The following NEMF variants were observed in gnomAD, a reference collection of about 807,000 sequenced individuals.
The protein encoded by NEMF is ribosome quality control complex subunit NEMF.
NEMF carries 89 observed loss-of-function variants against 162.2 expected under a neutral mutation model. The ratio of observed to expected loss-of-function variants is 0.55; its 90% CI spans 0.46 to 0.65. The LOEUF (loss-of-function observed/expected upper bound fraction) is 0.65, where lower values mean the gene tolerates loss of function less well. Among genes scored for constraint, NEMF ranks in the 30% least tolerant of loss-of-function variants. The probability of loss-of-function intolerance (pLI) is 0.00; values close to 1 mark genes in which losing one functional copy is unlikely to be tolerated. For missense variants in NEMF, 1,133 were observed against 1,261.9 expected (o/e 0.90, Z 1.55); for synonymous variants, 421 against 404.5 (o/e 1.04, Z -0.49).
At chr14:49,805,628 A>G (rs1891152255) in intron 19 of NEMF, among the ~76,000 whole-genome samples, 1 of 152,154 alleles carries the variant, frequency 6.6e-6, no homozygotes, top group Non-Finnish European at 1.5e-5. Context: ...AGTGCCCAAG[A>G]GAATTCAGAA....
At chr14:49,826,111 A>G (rs1892329842) in intron 15 of NEMF, among the ~76,000 whole-genome samples, 156 bp from the exon 16 acceptor site, 1 of 152,164 alleles carries the variant, frequency 6.6e-6, no homozygotes, top group African/African-American at 2.4e-5. Flanking sequence ...CGCATACTTG[A>G]AAGTAATGAA....
At chr14:49,821,672 C>A (rs1892061019) in intron 16 of NEMF, among the ~76,000 whole-genome samples, 1 of 134,856 alleles carries the variant, frequency 7.4e-6, no homozygotes. Context: ...GCCGCCCCGT[C>A]CGGGAGGGAG....
At chr14:49,792,967 T>G (rs764068984) in intron 26 of NEMF, among the ~76,000 whole-genome samples, 2 of 152,002 alleles carry the variant, frequency 1.3e-5, no homozygotes, top group Non-Finnish European at 2.9e-5. Context: ...GGCAACAGAG[T>G]GACACCCTGT....
chr14:49,800,602 A>C lies in NEMF; in HGVS notation c.2190T>G (p.Thr730=). ...TTAGTTCATCTCTGCCACTCTGAAG[A>C]GTGATATCCTCTTGGTCAACCTGAG... ...LMTQVDQEDI[T]LQSGRDELNE... is the part of the protein sequence containing the mutation. The change falls in exon 23 of 33, where the codon ACT becomes ACG. Residue 730 remains threonine, a synonymous_variant. Transcript: ENST00000298310. 6.2e-7 allele frequency: 1 copy of C among 1,613,940 alleles called. No individual in the cohort carries two copies. The highest frequency in any genetic ancestry group is 1.1e-5 in the South Asian group (1 of 91,066).
rs114399386 is a variant in NEMF, at chr14:49,833,762, A to G, written c.662-266T>C. On this transcript the variant is annotated intron_variant, in intron 7 of 32. Transcript: ENST00000298310. ...AACTTTGTTCATAAACTAAATTCCC[A>G]TATTATTTCAAATTATTTTTGGAAT... Among the ~76,000 whole-genome samples the G allele has an allele frequency of 6.8e-3, 1,028 of 152,292 alleles. 13 individuals are homozygous for G. The highest frequency in any genetic ancestry group is 0.024 in the African/African-American group (985 of 41,562).
In NEMF at chr14:49,838,525, A is replaced by T. The variant is rs111250088; in HGVS notation, c.507-319T>A. On this transcript the variant is annotated intron_variant, in intron 5 of 32. Coordinates refer to ENST00000298310, the MANE Select transcript of NEMF (RefSeq NM_004713.6). ...TTAAATGTTTGTAAATTTTCATGCCATATCTTAATATCCAAAATGGTTTAC... is the reference window on the plus strand; with the variant it reads ...TTAAATGTTTGTAAATTTTCATGCCTTATCTTAATATCCAAAATGGTTTAC... Among the ~76,000 whole-genome samples the T allele has an allele frequency of 9.2e-3, 1,395 of 151,900 alleles. 32 individuals are homozygous for T. The highest frequency in any genetic ancestry group is 0.032 in the African/African-American group (1,307 of 41,424).
Position 49,782,411 on chromosome 14 carries a change from T to C in NEMF, c.*2225A>G, listed in dbSNP as rs1037785996. The C allele has an allele frequency of 2.5e-6, 4 of 1,612,490 alleles. No homozygotes were observed. The African/African-American group carries it at 4.0e-5, about 16-fold the overall frequency. Reference sequence around the variant, plus strand: ...TGTGCCAGCGATGAAGGAGAAGTAATTGTTTTTGGTGGATGTGCCAACAAC... The same window carrying C: ...TGTGCCAGCGATGAAGGAGAAGTAACTGTTTTTGGTGGATGTGCCAACAAC... On this transcript the variant is annotated 3_prime_UTR_variant, in exon 33 of 33. Coordinates refer to ENST00000298310, the MANE Select transcript of NEMF (RefSeq NM_004713.6).
chr14:49,785,697 A>G (rs1481315300), intron 29 of NEMF: 1 of 196,834 alleles, frequency 5.1e-6, no homozygotes, highest in African/African-American at 2.4e-5. Flanking sequence ...AGACCAGCCT[A>G]AGCAACATGG....
chr14:49,782,666 CTAGGTTTATGGATTATT>C lies in NEMF; in HGVS notation c.*1953_*1969del. The C allele has an allele frequency of 7.2e-7, 1 of 1,395,050 alleles. No homozygotes were observed. The highest frequency in any genetic ancestry group is 9.8e-7 in the Non-Finnish European group (1 of 1,017,264). 86.4% of individuals were successfully genotyped at this position (1,395,050 alleles called of 1,614,324 possible). The stretch of plus-strand genomic sequence containing the variant: ...CCTAAGACTTAGCACTCTCGAAAAA[CTAGGTTTATGGATTATT>C]TAAGGGCAATAAAACTTCATTGCTA... On this transcript the variant is annotated 3_prime_UTR_variant, in exon 33 of 33. Transcript: ENST00000298310.
intron 7 of NEMF, 67 bp from the exon 8 acceptor site, chr14:49,833,563 A>G: frequency 1.0e-6 from 1 of 990,586 alleles, no homozygotes; most frequent in Non-Finnish European, 1.5e-6. Context: ...TGGCTAAACA[A>G]CTATGTAGAA....
chr14:49,785,254 T>C lies in NEMF; in HGVS notation c.2995A>G (p.Ile999Val), dbSNP rs1485372239. Residue 999 changes from isoleucine to valine, a missense_variant, in exon 30 of 33, where the codon ATA becomes GTA. Physicochemically the swap from Ile to Val is conservative, Grantham distance 29 (BLOSUM62 3). Transcript: ENST00000298310. ...PEDVLLFAIP[I>V]CAPYTTMTNY... ...GTCATGGTGGTGTAAGGGGCACATA[T>C]TGGAATGGCAAACAGTAGTACATCT... 4 of 1,614,000 alleles carry C rather than the reference T, an allele frequency of 2.5e-6. No individual in the cohort carries two copies. Among genetic ancestry groups the C allele is most frequent in the South Asian group, 1.1e-5 (1 of 91,080 alleles).
At chr14:49,810,906 G>A (rs147172285) in intron 18 of NEMF, among the ~76,000 whole-genome samples, 15 of 152,196 alleles carry the variant, frequency 9.9e-5, no homozygotes, top group Non-Finnish European at 1.5e-4. Context: ...TGGGAGGATC[G>A]CTTCAGCCTG....
chr14:49,789,246 C>T lies in NEMF; in HGVS notation c.2795G>A (p.Gly932Glu). ...CTTAATGTTGTCAGAGACCCTCTGT[C>T]CACCTCTAGGTTTCTGGGGCTGTTT... is the stretch of plus-strand genomic sequence containing the variant. ...VKKQPQKPRG[G>E]QRVSDNIKKE... Residue 932 changes from glycine to glutamate, a missense_variant, in exon 28 of 33, where the codon GGA (glycine) becomes GAA (glutamate). Gly to Glu is a moderately conservative substitution (Grantham distance 98). Around this residue, in one of 3 missense-constraint regions of NEMF, gnomAD observed 532 missense variants for 578.6 expected, o/e 0.92. Transcript: ENST00000298310. 6.2e-7 allele frequency: 1 copy of T among 1,614,102 alleles called. No homozygotes were observed. The highest frequency in any genetic ancestry group is 8.5e-7 in the Non-Finnish European group (1 of 1,179,958).
intron 16 of NEMF, among the ~76,000 whole-genome samples, chr14:49,820,778 T>A (rs1032753192): frequency 1.3e-4 from 20 of 152,074 alleles, no homozygotes; most frequent in Non-Finnish European, 2.9e-5. Context: ...CCGCCACGCC[T>A]GACTGGTTTT....
At chr14:49,812,298 C>T (rs1891515827) in intron 18 of NEMF, among the ~76,000 whole-genome samples, 1 of 151,914 alleles carries the variant, frequency 6.6e-6, no homozygotes, top group African/African-American at 2.4e-5. Flanking sequence ...GATTTGAGTC[C>T]TCTATTTTCT....
At chr14:49,823,454 T>C (rs549641582) in intron 16 of NEMF, among the ~76,000 whole-genome samples, 6 of 151,566 alleles carry the variant, frequency 4.0e-5, no homozygotes, top group Non-Finnish European at 8.8e-5. Context: ...AACATTATGT[T>C]GAAAAGAGAG....
intron 3 of NEMF, among the ~76,000 whole-genome samples, chr14:49,847,889 G>A (rs1893586830): frequency 6.6e-6 from 1 of 151,710 alleles, no homozygotes; most frequent in African/African-American, 2.4e-5. Context: ...AAAATTAGCT[G>A]GGCGTGCTGG....
At chr14:49,784,763 T>C (rs1013966430) in intron 32 of NEMF, 50 bp from the exon 33 acceptor site, 1 of 1,524,090 alleles carries the variant, frequency 6.6e-7, no homozygotes, top group Admixed American at 1.8e-5. Context: ...TGGTCAATCA[T>C]GTTTCTTTTA....
At chr14:49,801,521 G>C (rs560821872) in intron 22 of NEMF, 2 of 152,098 alleles carry the variant, frequency 1.3e-5, no homozygotes, top group African/African-American at 4.8e-5. Context: ...ATGTAAATAA[G>C]GCACTTTATA....
Sources: gnomAD v4.1 joint callset for allele counts (sites outside exome capture counted in the v4.1 genomes callset) on GRCh38, gnomAD v4.1.1 for gene constraint, gnomAD v4.1.1 regional missense constraint, MANE v1.5 for transcripts, NCBI Gene and HGNC (gene_info 2026-07-23, HGNC 2026-07-21) for gene names.